The following C2CD4D variants were observed in gnomAD, a reference collection of about 807,000 sequenced individuals.
C2CD4D encodes C2 calcium dependent domain containing 4D.
Under a neutral mutation model 0.2 loss-of-function variants are expected in C2CD4D, and 1 was observed. That is an observed-to-expected ratio of 4.00 (90% CI 1.42 to 18.99). The LOEUF (loss-of-function observed/expected upper bound fraction) is 18.99. C2CD4D is among the 30% of genes most tolerant of loss of function. The pLI, the probability that C2CD4D is intolerant of heterozygous loss-of-function variation, is 0.11. For missense variants in C2CD4D, 552 were observed against 551.2 expected, an observed-to-expected ratio of 1.00 and a Z score of -0.01; for synonymous variants, 269 against 279.8, an observed-to-expected ratio of 0.96 and a Z score of 0.39.
exon 2 of C2CD4D, chr1:151,838,916 A>G: frequency 6.5e-7 from 1 of 1,549,148 alleles, no homozygotes; most frequent in Admixed American, 2.0e-5. Context: ...CTTGGAGAAC[A>G]GGCCGGAAGG....
Position 151,838,341 on chromosome 1 carries a change from G to A in C2CD4D, c.649C>T (p.Arg217Cys), listed in dbSNP as rs1374859189. ...GTGGAGAGCCGCAGCTGCCCGCCGC[G>A]GGGCCCCAGGCGCAGCACGCTCTCG... is the stretch of plus-strand genomic sequence containing the variant. Residue 217 changes from arginine (R) to cysteine (C), a missense_variant, in exon 2 of 2, where the codon CGC becomes TGC. Transcript: ENST00000454109. 2.5e-5 allele frequency: 36 copies of A among 1,417,386 alleles called. No individual in the cohort carries two copies. Among genetic ancestry groups the A allele is most frequent in the Non-Finnish European group, 1.7e-5 (18 of 1,081,090 alleles). The allele number at this position is 1,417,386 out of a possible 1,614,324, so 87.8% of individuals were successfully genotyped here.
rs1413204821 is a variant in C2CD4D, at chr1:151,838,344, GC to G, written c.645del (p.Arg217AlafsTer22). The G allele has an allele frequency of 2.8e-6, 4 of 1,420,062 alleles. No individual in the cohort carries two copies. Among genetic ancestry groups the G allele is most frequent in the Non-Finnish European group, 3.7e-6 (4 of 1,082,696 alleles). The allele number at this position is 1,420,062 out of a possible 1,614,324, so 88.0% of individuals were successfully genotyped here. On this transcript the variant is annotated frameshift_variant, in exon 2 of 2. Coordinates refer to ENST00000454109, the Ensembl canonical transcript of C2CD4D. LOFTEE classifies it low-confidence loss of function (END_TRUNC). ...GAGAGCCGCAGCTGCCCGCCGCGGG[GC>G]CCCAGGCGCAGCACGCTCTCGCGCG...
chr1:151,838,188 C>G, exon 2 of C2CD4D: 1 of 1,549,724 alleles, frequency 6.5e-7, no homozygotes, highest in Non-Finnish European at 8.7e-7. Flanking sequence ...CGCGGCCGGA[C>G]GCGGGGCCGC....
At position 151,838,639 on chromosome 1, in the gene C2CD4D, TC is replaced by T; in HGVS notation, c.350del (p.Gly117AspfsTer122). 2 of 1,319,146 alleles carry T rather than the reference TC, an allele frequency of 1.5e-6. No individual in the cohort carries two copies. The highest frequency in any genetic ancestry group is 2.1e-5 in the South Asian group (1 of 47,992). 81.7% of individuals were successfully genotyped at this position (1,319,146 alleles called of 1,614,324 possible). A position where few individuals can be genotyped will look rare whatever the true frequency, so the allele number is the denominator to read the frequency against. ...GCAGCCGGGACTGCGCCGCGGGGAG[TC>T]CCCCGGCCGGGGCAGGTGGCGGCCC... On this transcript the variant is annotated frameshift_variant, in exon 2 of 2. Transcript: ENST00000454109. LOFTEE classifies it low-confidence loss of function (END_TRUNC).
intron 1 of C2CD4D, 134 bp from the exon 2 acceptor site, chr1:151,839,354 T>C: frequency 3.7e-6 from 1 of 270,486 alleles, no homozygotes. Context: ...GCCCATATAG[T>C]ATCCACCAGA....
chr1:151,840,089 C>G (rs1652741479), intron 1 of C2CD4D: 4 of 152,342 alleles, frequency 2.6e-5, no homozygotes, highest in African/African-American at 4.8e-5. Context: ...TGGGTTCTGG[C>G]CTCAGGCCCT....
rs1443910065 is a variant in C2CD4D at position 151,839,173 on chromosome 1, C to T, written c.-184G>A. 1.2e-5 allele frequency: 7 copies of T among 601,858 alleles called. No homozygotes were observed. The East Asian group carries it at 2.0e-4, about 17-fold the overall frequency. The allele number at this position is 601,858 out of a possible 1,614,324, so 37.3% of individuals were successfully genotyped here. ...CCGGTCTCCGGACCCACTGGGAGCG[C>T]GGACCCCTATTTGAGCAGAAAAAGA... On this transcript the variant is annotated 5_prime_UTR_variant, in exon 2 of 2. Transcript: ENST00000454109.
At position 151,839,456 on chromosome 1, in the gene C2CD4D, C is replaced by T. The variant is rs982103652; in HGVS notation, c.-231-236G>A. Among the ~76,000 whole-genome samples the T allele has an allele frequency of 5.9e-5, 9 of 152,322 alleles. No homozygotes were observed. In the East Asian group the frequency reaches 7.7e-4, roughly 13 times the overall value. On this transcript the variant is annotated intron_variant, in intron 1 of 1. Coordinates refer to ENST00000454109, the Ensembl canonical transcript of C2CD4D. ...CCCCCCTGGGACACTGCGCCCTAGG[C>T]GGGCTCACGCCCTCCTCCCCCGCCC...
exon 2 of C2CD4D, chr1:151,838,083 G>C (rs923874169): frequency 1.3e-6 from 2 of 1,551,488 alleles, no homozygotes; most frequent in East Asian, 2.4e-5. Context: ...CTCAGGCTGC[G>C]GGCGGCCAGG....
chr1:151,838,762 G>A (rs1188753405), exon 2 of C2CD4D: 1 of 1,342,628 alleles, frequency 7.4e-7, no homozygotes, highest in Non-Finnish European at 9.5e-7. Flanking sequence ...AGGTCGCGGG[G>A]AGGCCGCGCC....
chr1:151,838,239 G>C lies in C2CD4D; in HGVS notation c.751C>G (p.Pro251Ala), dbSNP rs769333447. 2 of 1,376,820 alleles carry C rather than the reference G, an allele frequency of 1.5e-6. No homozygotes were observed. The highest frequency in any genetic ancestry group is 3.1e-5 in the African/African-American group (2 of 65,228). 85.3% of individuals were successfully genotyped at this position (1,376,820 alleles called of 1,614,324 possible). The stretch of plus-strand genomic sequence containing the variant: ...CAGCAGCCGCCGCCGCCGCTCCCGG[G>C]GCGGGACCGCGGCCGGGGCAGGCCC... Residue 251 changes from proline (P) to alanine (A), a missense_variant, in exon 2 of 2, where the codon CCC becomes GCC. Coordinates refer to ENST00000454109, the Ensembl canonical transcript of C2CD4D.
exon 2 of C2CD4D, chr1:151,838,628 G>A (rs1184162068): frequency 1.5e-6 from 2 of 1,320,434 alleles, no homozygotes; most frequent in Middle Eastern, 2.8e-4. Context: ...CCGGGACTGC[G>A]CCGCGGGGAG....
chr1:151,839,097 G>A (rs971384873), exon 2 of C2CD4D: 5 of 1,291,244 alleles, frequency 3.9e-6, no homozygotes, highest in Admixed American at 5.0e-5. Context: ...GAGCGCAGAG[G>A]AGTCAGAGGT....
chr1:151,837,906 C>T (rs1477278203), exon 2 of C2CD4D: 3 of 1,497,722 alleles, frequency 2.0e-6, no homozygotes, highest in Admixed American at 2.3e-5. Context: ...TGGAGACGTC[C>T]TGAGGAAGCC....
chr1:151,839,755 A>G (rs568568060), intron 1 of C2CD4D, among the ~76,000 whole-genome samples: 1 of 152,000 alleles, frequency 6.6e-6, no homozygotes, highest in Non-Finnish European at 1.5e-5. Flanking sequence ...GGGACACAGA[A>G]TCCCACCCCC....
At chr1:151,838,649 G>A in exon 2 of C2CD4D, 1 of 1,344,806 alleles carries the variant, frequency 7.4e-7, no homozygotes, top group Non-Finnish European at 9.5e-7. Context: ...TCCCCCGGCC[G>A]GGGCAGGTGG....
At chr1:151,837,886 G>A (rs1359707786) in exon 2 of C2CD4D, 16 of 1,466,974 alleles carry the variant, frequency 1.1e-5, no homozygotes, top group Non-Finnish European at 1.4e-5. Context: ...AATGTGGACT[G>A]CAGACACAGT....
chr1:151,838,218 A>AGCCGCC (rs755953128), exon 2 of C2CD4D: 4 of 1,456,990 alleles, frequency 2.7e-6, no homozygotes, highest in African/African-American at 3.0e-5. Context: ...ACCACACAGC[A>AGCCGCC]GCCGCCGCCG....
exon 2 of C2CD4D, chr1:151,838,492 A>T: frequency 7.2e-7 from 1 of 1,382,964 alleles, no homozygotes; most frequent in Non-Finnish European, 9.3e-7. Flanking sequence ...ACAGAGAGTG[A>T]GGCCTGGACA....
Sources: gnomAD v4.1 joint callset for allele counts (sites outside exome capture counted in the v4.1 genomes callset) on GRCh38, gnomAD v4.1.1 for gene constraint, MANE v1.5 for transcripts, NCBI Gene and HGNC (gene_info 2026-07-23, HGNC 2026-07-21) for gene names.